The following ACTR3 variants were observed in gnomAD, a reference collection of about 807,000 sequenced individuals.
ACTR3 encodes the protein actin related protein 3.
ACTR3 carries 12 observed loss-of-function variants against 56.8 expected under a neutral mutation model. That is an observed-to-expected ratio of 0.21 (90% CI 0.14 to 0.34). ACTR3 has a LOEUF of 0.34. ACTR3 is among the 10% of genes least tolerant of loss of function. The pLI is 1.00. For missense variants in ACTR3, 282 were observed against 512.5 expected (o/e 0.55, Z 4.34); for synonymous variants, 162 against 167.4 (o/e 0.97, Z 0.25).
intron 3 of ACTR3, among the ~76,000 whole-genome samples, chr2:113,920,822 C>T (rs549047353): frequency 1.9e-4 from 29 of 152,302 alleles, no homozygotes; most frequent in African/African-American, 6.7e-4. Context: ...CAGGATTTCA[C>T]TCTTTTTTTA....
chr2:113,954,283 G>T (rs1459115310), intron 10 of ACTR3: 1 of 149,992 alleles, frequency 6.7e-6, no homozygotes, highest in Non-Finnish European at 1.5e-5. Flanking sequence ...GACACTTTCA[G>T]ACTATCCTGT....
intron 2 of ACTR3, among the ~76,000 whole-genome samples, chr2:113,915,089 T>C (rs1192215429): frequency 6.6e-6 from 1 of 152,258 alleles, no homozygotes; most frequent in Admixed American, 6.5e-5. Context: ...TACTTGACTT[T>C]AGTCGTATTT....
chr2:113,901,027 TA>T, intron 1 of ACTR3, among the ~76,000 whole-genome samples: 1 of 152,236 alleles, frequency 6.6e-6, no homozygotes, highest in Non-Finnish European at 1.5e-5. Flanking sequence ...ATTCTTGTTT[TA>T]AAAGTTTCTG....
rs897397133 is a variant in ACTR3 at position 113,953,417 on chromosome 2, C to T, written c.1077+1572C>T. On this transcript the variant is annotated intron_variant, in intron 10 of 11. Transcript: ENST00000263238. ...TGAAATTCTGAGCATTTCCTTTGAA[C>T]ATCATGTTGGTGCTCAAAAAGTTTT... 6 of 152,248 alleles carry T rather than the reference C, an allele frequency of 3.9e-5. No individual in the cohort carries two copies. The East Asian group carries it at 1.2e-3, about 29-fold the overall frequency. The allele number at this position is 152,248 out of a possible 1,614,324, so 9.4% of individuals were successfully genotyped here. A position where few individuals can be genotyped will look rare whatever the true frequency, so the allele number is the denominator to read the frequency against.
At chr2:113,903,072 A>G (rs1679131111) in intron 1 of ACTR3, among the ~76,000 whole-genome samples, 4 of 152,242 alleles carry the variant, frequency 2.6e-5, no homozygotes, top group Admixed American at 2.6e-4. Context: ...TTACTATGCT[A>G]TAGCTTAGAT....
At chr2:113,892,692 AT>A (rs945884184) in intron 1 of ACTR3, among the ~76,000 whole-genome samples, 3 of 152,032 alleles carry the variant, frequency 2.0e-5, no homozygotes, top group African/African-American at 7.2e-5. Flanking sequence ...AATTTGTCTA[AT>A]TTTTTTTATG....
Position 113,962,259 on chromosome 2 carries a change from G to A in ACTR3, c.*4804G>A, listed in dbSNP as rs986957632. 12 of 151,892 alleles carry A rather than the reference G, an allele frequency of 7.9e-5. No individual in the cohort carries two copies. The highest frequency in any genetic ancestry group is 1.5e-4 in the Non-Finnish European group (10 of 67,894). The allele number at this position is 151,892 out of a possible 1,614,324, so 9.4% of individuals were successfully genotyped here. On this transcript the variant is annotated 3_prime_UTR_variant, in exon 12 of 12. Transcript: ENST00000263238. ...AAGCAGGTCTTAAATAATTATCTAA[G>A]CCTTCAGTCATTTCAAAATCTCTGT...
At chr2:113,943,320 A>G (rs770802070) in intron 8 of ACTR3, among the ~76,000 whole-genome samples, 5 of 152,198 alleles carry the variant, frequency 3.3e-5, no homozygotes, top group African/African-American at 1.2e-4. Flanking sequence ...GGTCTTAGAC[A>G]TGAGAGTGCT....
intron 1 of ACTR3, among the ~76,000 whole-genome samples, chr2:113,892,928 C>T (rs994995382): frequency 1.3e-5 from 2 of 152,104 alleles, no homozygotes; most frequent in African/African-American, 4.8e-5. Flanking sequence ...TAGGGATCGT[C>T]CAGCAAAACT....
rs1680331838 is a variant in ACTR3 at position 113,961,863 on chromosome 2, A to G, written c.*4408A>G. Reference sequence around the variant, plus strand: ...ATGTAAGGTGAAAGTGGGGCTTATAAAAGTGGATCTATTGTTTAAAAATTA... The same window carrying G: ...ATGTAAGGTGAAAGTGGGGCTTATAGAAGTGGATCTATTGTTTAAAAATTA... On this transcript the variant is annotated 3_prime_UTR_variant, in exon 12 of 12. Transcript: ENST00000263238. 2 of 151,968 alleles carry G rather than the reference A, an allele frequency of 1.3e-5. No homozygotes were observed. Among genetic ancestry groups the G allele is most frequent in the African/African-American group, 2.4e-5 (1 of 41,426 alleles). 9.4% of individuals were successfully genotyped at this position (151,968 alleles called of 1,614,324 possible). A position where few individuals can be genotyped will look rare whatever the true frequency, so the allele number is the denominator to read the frequency against.
chr2:113,955,975 G>C (rs1222368243), intron 11 of ACTR3, among the ~76,000 whole-genome samples: 1 of 152,072 alleles, frequency 6.6e-6, no homozygotes, highest in Non-Finnish European at 1.5e-5. Context: ...TTGAACTCCT[G>C]ACCTTGGGAT....
chr2:113,900,747 A>G (rs1309988548), intron 1 of ACTR3, among the ~76,000 whole-genome samples: 2 of 152,162 alleles, frequency 1.3e-5, no homozygotes, highest in African/African-American at 4.8e-5. Context: ...TTCAAGGTTC[A>G]TGTTCTCCCC....
chr2:113,903,957 T>C (rs11896388), intron 1 of ACTR3: 45,171 of 151,892 alleles, frequency 0.3, 11,042 homozygotes, highest in African/African-American at 0.67. Flanking sequence ...CCTGGGTTCA[T>C]GCCATTCTCC....
chr2:113,924,813 G>T (rs1329551212), intron 3 of ACTR3, among the ~76,000 whole-genome samples: 3 of 152,036 alleles, frequency 2.0e-5, no homozygotes, highest in Non-Finnish European at 4.4e-5. Context: ...ACTGAGTTAA[G>T]ACCCGGCTTA....
At chr2:113,911,564 C>T (rs1385195076) in intron 1 of ACTR3, among the ~76,000 whole-genome samples, 1 of 151,432 alleles carries the variant, frequency 6.6e-6, no homozygotes, top group East Asian at 1.9e-4. Flanking sequence ...GGATTACAGG[C>T]GCCCACCACC....
chr2:113,941,756 T>C (rs1411011745), intron 7 of ACTR3, among the ~76,000 whole-genome samples: 1 of 152,174 alleles, frequency 6.6e-6, no homozygotes, highest in East Asian at 1.9e-4. Flanking sequence ...ATCAGTTTTG[T>C]TTCAGATAGA....
intron 3 of ACTR3, among the ~76,000 whole-genome samples, chr2:113,926,420 T>G (rs1336295521): frequency 6.6e-6 from 1 of 152,232 alleles, no homozygotes; most frequent in East Asian, 1.9e-4. Flanking sequence ...ACTGGGGTGC[T>G]GTCTCAGTTC....
Position 113,957,631 on chromosome 2 carries a change from G to A in ACTR3, c.*176G>A, listed in dbSNP as rs1680240395. On this transcript the variant is annotated 3_prime_UTR_variant, in exon 12 of 12. Transcript: ENST00000263238. ...TATCACCATGCAGATGTAGAAGAGAGCGAAAGTGATTGTGTTTTTCTTTAG... is the reference window on the plus strand; with the variant it reads ...TATCACCATGCAGATGTAGAAGAGAACGAAAGTGATTGTGTTTTTCTTTAG... 4 of 474,290 alleles carry A rather than the reference G, an allele frequency of 8.4e-6. No homozygotes were observed. Among genetic ancestry groups the A allele is most frequent in the Admixed American group, 3.4e-5 (1 of 29,450 alleles). 29.4% of individuals were successfully genotyped at this position (474,290 alleles called of 1,614,324 possible).
chr2:113,922,813 A>G (rs1318274651), intron 3 of ACTR3, among the ~76,000 whole-genome samples: 1 of 152,218 alleles, frequency 6.6e-6, no homozygotes, highest in Non-Finnish European at 1.5e-5. Context: ...GCTAGGGAAT[A>G]ATTAAAGCAA....
Sources: gnomAD v4.1 joint callset for allele counts (sites outside exome capture counted in the v4.1 genomes callset) on GRCh38, gnomAD v4.1.1 for gene constraint, MANE v1.5 for transcripts, NCBI Gene and HGNC (gene_info 2026-07-23, HGNC 2026-07-21) for gene names.